The following CRACR2A variants were observed in gnomAD, a reference collection of about 807,000 sequenced individuals.
CRACR2A encodes EF-hand calcium-binding domain-containing protein 4B.
A neutral mutation model predicts 90.5 loss-of-function variants in CRACR2A; 79 were observed. The observed-to-expected ratio is 0.87, with a 90% CI of 0.73 to 1.05. CRACR2A has a LOEUF of 1.05. Among genes scored for constraint, CRACR2A ranks in the 50% least tolerant of loss-of-function variants. The pLI, the probability that CRACR2A is intolerant of heterozygous loss-of-function variation, is 0.00. For missense variants in CRACR2A, 823 were observed against 897.2 expected, an observed-to-expected ratio of 0.92 and a Z score of 1.06; for synonymous variants, 338 against 356.7, an observed-to-expected ratio of 0.95 and a Z score of 0.59.
In CRACR2A at chr12:3,721,562, G is replaced by A. The variant is rs1163372433; in HGVS notation, c.-117-8245C>T. Among the ~76,000 whole-genome samples, 3 of 140,766 alleles carry A rather than the reference G, an allele frequency of 2.1e-5. No homozygotes were observed. The Admixed American group carries it at 2.3e-4, about 11-fold the overall frequency. The allele number at this position is 140,766 out of a possible 152,430, so 92.3% of individuals were successfully genotyped here. On this transcript the variant is annotated intron_variant, in intron 2 of 19. Coordinates refer to ENST00000440314, the MANE Select transcript of CRACR2A (RefSeq NM_001144958.2). Reference sequence around the variant, plus strand: ...ATCACACCACTGTACTCCAGTCTGGGCAACAGAGTCTCAATCATGTCTCAA... The same window carrying A: ...ATCACACCACTGTACTCCAGTCTGGACAACAGAGTCTCAATCATGTCTCAA...
chr12:3,688,104 A>G (rs1349119920), intron 4 of CRACR2A, among the ~76,000 whole-genome samples: 1 of 152,146 alleles, frequency 6.6e-6, no homozygotes, highest in Non-Finnish European at 1.5e-5. Flanking sequence ...TTGTCAGTGC[A>G]TAGTTTGCAA....
chr12:3,654,168 T>G, intron 10 of CRACR2A, 44 bp downstream of exon 10: 1 of 1,587,094 alleles, frequency 6.3e-7, no homozygotes, highest in Non-Finnish European at 8.5e-7. Flanking sequence ...TAGTGGGGAG[T>G]GGTGCGGGAA....
intron 3 of CRACR2A, 28 bp from the exon 4 acceptor site, chr12:3,697,063 T>C (rs1945754411): frequency 6.5e-7 from 1 of 1,531,136 alleles, no homozygotes; most frequent in Non-Finnish European, 8.8e-7. Context: ...GAGAGAGAAG[T>C]GGGTGTGGTG....
At chr12:3,740,767 G>T (rs1946512659) in intron 1 of CRACR2A, among the ~76,000 whole-genome samples, 1 of 152,164 alleles carries the variant, frequency 6.6e-6, no homozygotes, top group African/African-American at 2.4e-5. Flanking sequence ...CAAGTGCCTG[G>T]ATTTGAATTC....
At chr12:3,745,635 A>C (rs1196670948) in intron 1 of CRACR2A, among the ~76,000 whole-genome samples, 6 of 151,616 alleles carry the variant, frequency 4.0e-5, no homozygotes, top group Admixed American at 1.3e-4. Flanking sequence ...TTAGCCAGGC[A>C]TGGTGGTGCA....
chr12:3,710,369 AAT>A (rs915721170), intron 3 of CRACR2A, among the ~76,000 whole-genome samples: 3 of 152,190 alleles, frequency 2.0e-5, no homozygotes, highest in African/African-American at 7.2e-5. Context: ...GCCTATAAAC[AAT>A]AGACATTTAT....
At chr12:3,752,983 G>C (rs1946733450) in intron 1 of CRACR2A, 32 bp downstream of exon 1, 1 of 152,434 alleles carries the variant, frequency 6.6e-6, no homozygotes. Flanking sequence ...CGGCCGCCCC[G>C]GCCGCCCACC....
At chr12:3,634,602 T>G (rs1316242716) in intron 14 of CRACR2A, among the ~76,000 whole-genome samples, 1 of 152,216 alleles carries the variant, frequency 6.6e-6, no homozygotes, top group Non-Finnish European at 1.5e-5. Context: ...GAGCTGCCGC[T>G]CAAACGCAGG....
chr12:3,629,559 C>T (rs1944341291), intron 15 of CRACR2A, among the ~76,000 whole-genome samples: 1 of 152,256 alleles, frequency 6.6e-6, no homozygotes, highest in Non-Finnish European at 1.5e-5. Flanking sequence ...ACAGAGGCCT[C>T]TGCCTGCTGG....
At position 3,732,486 on chromosome 12, in the gene CRACR2A, C is replaced by G. The variant is rs7309847; in HGVS notation, c.-118+456G>C. 3 of 152,250 alleles carry G rather than the reference C, an allele frequency of 2.0e-5. No individual in the cohort carries two copies. The South Asian group carries it at 6.2e-4, about 32-fold the overall frequency. 9.4% of individuals were successfully genotyped at this position (152,250 alleles called of 1,614,324 possible). A position where few individuals can be genotyped will look rare whatever the true frequency, so the allele number is the denominator to read the frequency against. On this transcript the variant is annotated intron_variant, in intron 2 of 19. Transcript: ENST00000440314. Reference sequence around the variant, plus strand: ...GCTCCCTGCATGTGTCTGGAAGAACCGCTTTTCCAGCTCTCCAGGACATTC... The same window carrying G: ...GCTCCCTGCATGTGTCTGGAAGAACGGCTTTTCCAGCTCTCCAGGACATTC...
chr12:3,738,718 G>T (rs888715107), intron 1 of CRACR2A, among the ~76,000 whole-genome samples: 1 of 152,110 alleles, frequency 6.6e-6, no homozygotes, highest in African/African-American at 2.4e-5. Context: ...TAATGACTAA[G>T]AATTTTCTAA....
chr12:3,686,435 T>G (rs149308905), intron 4 of CRACR2A, among the ~76,000 whole-genome samples: 1 of 152,344 alleles, frequency 6.6e-6, no homozygotes, highest in East Asian at 1.9e-4. Context: ...GTCTTAAGTT[T>G]GGCATAGCCA....
intron 1 of CRACR2A, among the ~76,000 whole-genome samples, chr12:3,739,923 T>C (rs1591724155): frequency 1.0e-5 from 1 of 100,064 alleles, no homozygotes; most frequent in Admixed American, 1.0e-4. Context: ...ACAGAGCGAC[T>C]CCGTCTCAAA....
intron 2 of CRACR2A, chr12:3,727,748 C>A (rs2137839712): frequency 6.6e-6 from 1 of 152,230 alleles, no homozygotes; most frequent in African/African-American, 2.4e-5. Context: ...AAACACTCGC[C>A]AAACAAGGGC....
At position 3,633,535 on chromosome 12, in the gene CRACR2A, CG is replaced by C; in HGVS notation, c.1735+68del. On this transcript the variant is annotated intron_variant, in intron 15 of 19. Coordinates refer to ENST00000440314, the MANE Select transcript of CRACR2A (RefSeq NM_001144958.2). This position sits in a 1 kb window ranked among gnomAD's most constrained non-coding sequence, Gnocchi z 4.5. ...CATGGGCTTCTAACGCTCCCTGCCCCGGGCCCCCTTCTCACAAACTCCCTTC... is the reference window on the plus strand; with the variant it reads ...CATGGGCTTCTAACGCTCCCTGCCCCGGCCCCCTTCTCACAAACTCCCTTC... 1 of 1,543,238 alleles carries C rather than the reference CG, an allele frequency of 6.5e-7. No homozygotes were observed. Among genetic ancestry groups the C allele is most frequent in the Non-Finnish European group, 8.8e-7 (1 of 1,141,338 alleles).
At chr12:3,630,872 C>T (rs150970587) in intron 15 of CRACR2A, among the ~76,000 whole-genome samples, 21 of 152,348 alleles carry the variant, frequency 1.4e-4, no homozygotes, top group Non-Finnish European at 2.8e-4. Context: ...CAGTACAAAA[C>T]ATGCTCTTAT....
rs890827877 is a variant in CRACR2A, at chr12:3,615,545, G to C, written c.2112-106C>G. The C allele has an allele frequency of 3.4e-6, 3 of 881,516 alleles. No homozygotes were observed. The African/African-American group carries it at 5.0e-5, about 15-fold the overall frequency. The allele number at this position is 881,516 out of a possible 1,614,324, so 54.6% of individuals were successfully genotyped here. ...GGTTACAGGTCATCTGGGCCATATG[G>C]AGAGAACCCACCCTCACCACGGCAT... On this transcript the variant is annotated intron_variant, in intron 19 of 19. Transcript: ENST00000440314.
intron 6 of CRACR2A, among the ~76,000 whole-genome samples, chr12:3,674,479 G>C (rs1323041328): frequency 1.3e-5 from 2 of 152,152 alleles, no homozygotes; most frequent in Non-Finnish European, 2.9e-5. Flanking sequence ...AAAAATCTGT[G>C]GCCAATGATC....
intron 8 of CRACR2A, among the ~76,000 whole-genome samples, chr12:3,659,138 G>A (rs554532719): frequency 6.6e-6 from 1 of 152,322 alleles, no homozygotes; most frequent in South Asian, 2.1e-4. Context: ...GCATTTGGGT[G>A]CATTTGCCAT....
Sources: gnomAD v4.1 joint callset for allele counts (sites outside exome capture counted in the v4.1 genomes callset) on GRCh38, gnomAD v4.1.1 for gene constraint, Gnocchi (gnomAD v3.1) non-coding constraint, MANE v1.5 for transcripts, NCBI Gene and HGNC (gene_info 2026-07-23, HGNC 2026-07-21) for gene names.